The following VWA8 variants were observed in gnomAD, a reference collection of about 807,000 sequenced individuals.
VWA8 encodes the protein von Willebrand factor A domain containing 8.
In VWA8, 221 loss-of-function variants were observed where a neutral mutation model predicts 241.5. That is an observed-to-expected ratio of 0.91 (90% CI 0.82 to 1.02). VWA8 has a LOEUF of 1.02. VWA8 is among the 50% of genes least tolerant of loss of function. The pLI is 0.00. For missense variants in VWA8, 2,322 were observed against 2,328.7 expected (o/e 1.00, Z 0.06); for synonymous variants, 852 against 827.1 (o/e 1.03, Z -0.52).
intron 37 of VWA8, among the ~76,000 whole-genome samples, chr13:41,635,383 C>T (rs561234571): frequency 3.3e-5 from 5 of 152,144 alleles, no homozygotes; most frequent in Non-Finnish European, 5.9e-5. Context: ...AATAAATCAG[C>T]AAAAAGAGTT....
intron 37 of VWA8, among the ~76,000 whole-genome samples, chr13:41,647,967 C>A (rs906900593): frequency 6.6e-6 from 1 of 151,474 alleles, no homozygotes; most frequent in Non-Finnish European, 1.5e-5. Flanking sequence ...CTAGCCTGGG[C>A]GAAGGAGCGA....
intron 18 of VWA8, among the ~76,000 whole-genome samples, chr13:41,785,526 G>C (rs1461773251): frequency 1.3e-5 from 2 of 151,860 alleles, no homozygotes; most frequent in South Asian, 2.1e-4. Context: ...TGTGCTAAGC[G>C]TTTTGGAAGA....
intron 2 of VWA8, among the ~76,000 whole-genome samples, chr13:41,935,350 C>T (rs954060561): frequency 1.3e-5 from 2 of 151,918 alleles, no homozygotes; most frequent in African/African-American, 4.8e-5. Context: ...TAAAATAAAA[C>T]CAAGGAATGA....
chr13:41,757,855 G>C (rs907652874), intron 21 of VWA8, among the ~76,000 whole-genome samples: 5 of 151,572 alleles, frequency 3.3e-5, no homozygotes, highest in African/African-American at 1.2e-4. Context: ...TGAGAAGAGG[G>C]CTTTCTACGG....
chr13:41,715,690 T>C (rs536210219), intron 26 of VWA8, among the ~76,000 whole-genome samples: 1 of 152,194 alleles, frequency 6.6e-6, no homozygotes, highest in East Asian at 1.9e-4. Context: ...TGTTTGGACC[T>C]AATTCTCTTA....
chr13:41,678,449 C>T (rs2045075801), intron 35 of VWA8, among the ~76,000 whole-genome samples: 1 of 152,176 alleles, frequency 6.6e-6, no homozygotes, highest in African/African-American at 2.4e-5. Flanking sequence ...ATTCCTGCTG[C>T]TCGAACCTAG....
intron 5 of VWA8, among the ~76,000 whole-genome samples, chr13:41,888,124 T>C (rs983298463): frequency 1.3e-5 from 2 of 152,216 alleles, no homozygotes; most frequent in Non-Finnish European, 2.9e-5. Flanking sequence ...TACATTATTG[T>C]GACTGCTAGG....
chr13:41,816,717 CTGAGTT>C lies in VWA8; in HGVS notation c.1922_1927del (p.Lys641_Leu642del). 6.2e-7 allele frequency: 1 copy of C among 1,613,584 alleles called. No individual in the cohort carries two copies. The highest frequency in any genetic ancestry group is 1.1e-5 in the South Asian group (1 of 90,984). The stretch of plus-strand genomic sequence containing the variant: ...ACTTACCGTTGGATCCTGTGTTTCT[CTGAGTT>C]TGTGTGTAAATGATAATAACTTATC... On this transcript the variant is annotated inframe_deletion, in exon 16 of 45. Coordinates refer to ENST00000379310, the MANE Select transcript of VWA8 (RefSeq NM_015058.2).
chr13:41,739,848 G>GTTTTTTT (rs1179107917), intron 21 of VWA8, among the ~76,000 whole-genome samples: 7 of 50,892 alleles, frequency 1.4e-4, no homozygotes, highest in Non-Finnish European at 2.7e-4. Flanking sequence ...TGTTTTTTTT[G>GTTTTTTT]TTTTTTTTGT....
chr13:41,906,354 ACT>A (rs1875717410), intron 4 of VWA8, among the ~76,000 whole-genome samples: 1 of 152,120 alleles, frequency 6.6e-6, no homozygotes, highest in South Asian at 2.1e-4. Context: ...CTTTATGTAC[ACT>A]CTGTTAACTG....
At chr13:41,761,700 T>C (rs1241014999) in intron 20 of VWA8, among the ~76,000 whole-genome samples, 1 of 152,082 alleles carries the variant, frequency 6.6e-6, no homozygotes, top group African/African-American at 2.4e-5. Context: ...CATTTTCCAG[T>C]CCTTTAAAAC....
chr13:41,588,755 A>G (rs2044436132), intron 41 of VWA8, among the ~76,000 whole-genome samples: 2 of 152,158 alleles, frequency 1.3e-5, no homozygotes, highest in Admixed American at 1.3e-4. Context: ...GAAAAATTCC[A>G]GATTATTCTG....
intron 12 of VWA8, among the ~76,000 whole-genome samples, chr13:41,836,628 ATTT>A (rs1871743038): frequency 6.6e-6 from 1 of 152,176 alleles, no homozygotes; most frequent in African/African-American, 2.4e-5. Flanking sequence ...ATTCCAAAGT[ATTT>A]TTTATCTTAT....
chr13:41,830,716 G>T, intron 13 of VWA8, 74 bp from the exon 14 acceptor site: 1 of 1,288,708 alleles, frequency 7.8e-7, no homozygotes, highest in Non-Finnish European at 1.1e-6. Flanking sequence ...GGCAGAATCA[G>T]TCAGCCAACA....
intron 42 of VWA8, among the ~76,000 whole-genome samples, chr13:41,581,367 G>A (rs1338351116): frequency 6.6e-6 from 1 of 152,230 alleles, no homozygotes; most frequent in African/African-American, 2.4e-5. Flanking sequence ...CTCAGAGCCT[G>A]TGAGAAATAA....
chr13:41,803,297 C>G (rs150492163), intron 17 of VWA8, among the ~76,000 whole-genome samples: 39 of 152,292 alleles, frequency 2.6e-4, no homozygotes, highest in African/African-American at 8.2e-4. Context: ...CAAGACCATC[C>G]AGGAAAACAT....
At chr13:41,789,483 G>A (rs976213613) in intron 17 of VWA8, among the ~76,000 whole-genome samples, 30 of 151,898 alleles carry the variant, frequency 2.0e-4, no homozygotes, top group Admixed American at 6.6e-5. Flanking sequence ...AAAAAAAATT[G>A]GAAAAGCTCT....
intron 21 of VWA8, among the ~76,000 whole-genome samples, chr13:41,748,341 C>G (rs1169828999): frequency 5.9e-5 from 9 of 152,076 alleles, no homozygotes; most frequent in Admixed American, 5.9e-4. Context: ...GTGTATGTGT[C>G]GAGGAATTTA....
At chr13:41,704,135 C>T (rs545445073) in intron 26 of VWA8, among the ~76,000 whole-genome samples, 16 of 152,172 alleles carry the variant, frequency 1.1e-4, no homozygotes, top group Admixed American at 6.5e-4. Context: ...TTGTATAGGG[C>T]AAGTTTCATA....
Sources: gnomAD v4.1 joint callset for allele counts (sites outside exome capture counted in the v4.1 genomes callset) on GRCh38, gnomAD v4.1.1 for gene constraint, MANE v1.5 for transcripts, NCBI Gene and HGNC (gene_info 2026-07-23, HGNC 2026-07-21) for gene names.